Variants in COL13A1 observed in about 807,000 individuals in gnomAD.
The protein encoded by COL13A1 is collagen alpha-1(XIII) chain.
A neutral mutation model predicts 130.9 loss-of-function variants in COL13A1; 89 were observed. That is an observed-to-expected ratio of 0.68 (90% CI 0.57 to 0.81). The LOEUF is 0.81. Among genes scored for constraint, COL13A1 ranks in the 30% least tolerant of loss-of-function variants. The probability of loss-of-function intolerance (pLI) is 0.00; values close to 1 mark genes in which losing one functional copy is unlikely to be tolerated. For synonymous variants in COL13A1, 402 were observed against 341.6 expected, an observed-to-expected ratio of 1.18 and a Z score of -1.95; for missense variants, 879 against 934.6, an observed-to-expected ratio of 0.94 and a Z score of 0.78.
chr10:69,935,396 G>C lies in COL13A1; in HGVS notation c.1770+5G>C, dbSNP rs1470267163. The C allele has an allele frequency of 4.5e-6, 7 of 1,556,484 alleles. No individual in the cohort carries two copies. The highest frequency in any genetic ancestry group is 1.7e-4 in the Middle Eastern group (1 of 5,948). ...GAGGGGCCTCCCGGACCTCCGGTAA[G>C]TTTGGAGGGCTTGTCAGTGGCCAGT... On this transcript the variant is annotated splice_donor_5th_base_variant and intron_variant, in intron 32 of 40. Transcript: ENST00000645393.
chr10:69,867,413 G>A (rs552506425), intron 2 of COL13A1, among the ~76,000 whole-genome samples: 29 of 152,318 alleles, frequency 1.9e-4, no homozygotes, highest in East Asian at 3.9e-4. Context: ...ATCTCTACGG[G>A]ATCTGTTATT....
At position 69,889,032 on chromosome 10, in the gene COL13A1, A is replaced by G. The variant is rs75537479; in HGVS notation, c.577-382A>G. Among the ~76,000 whole-genome samples the G allele has an allele frequency of 3.6e-3, 545 of 152,246 alleles. 16 individuals carry two copies. In the East Asian group the frequency reaches 0.093, roughly 26 times the overall value. Reference sequence around the variant, plus strand: ...CCTAGCACCACCCAGTTACTCCCCAACTGCAGGCCAGCGAGCTAAGTGCAG... The same window carrying G: ...CCTAGCACCACCCAGTTACTCCCCAGCTGCAGGCCAGCGAGCTAAGTGCAG... On this transcript the variant is annotated intron_variant, in intron 9 of 40. Transcript: ENST00000645393.
intron 2 of COL13A1, among the ~76,000 whole-genome samples, chr10:69,844,094 C>T (rs548260217): frequency 1.3e-5 from 2 of 152,280 alleles, no homozygotes; most frequent in African/African-American, 4.8e-5. Flanking sequence ...GAGGGCTTCC[C>T]GGAAGAGGCG....
At chr10:69,888,282 C>T (rs1344422711) in intron 8 of COL13A1, 22 bp from the exon 9 acceptor site, 10 of 1,612,506 alleles carry the variant, frequency 6.2e-6, no homozygotes, top group African/African-American at 1.3e-5. Flanking sequence ...TCAGTCTTTA[C>T]ATCTGGCCTT....
chr10:69,948,370 G>A (rs2068868752), intron 38 of COL13A1, among the ~76,000 whole-genome samples: 2 of 152,130 alleles, frequency 1.3e-5, no homozygotes, highest in South Asian at 4.1e-4. Flanking sequence ...TATTTACTGA[G>A]CACTCCCATT....
intron 2 of COL13A1, among the ~76,000 whole-genome samples, chr10:69,825,459 A>G (rs972621080): frequency 1.3e-5 from 2 of 152,246 alleles, no homozygotes; most frequent in Non-Finnish European, 2.9e-5. Context: ...TGAATGTTCA[A>G]TAAATGAGTA....
chr10:69,875,296 C>A, intron 5 of COL13A1, 133 bp downstream of exon 5: 2 of 1,085,174 alleles, frequency 1.8e-6, no homozygotes, highest in Non-Finnish European at 1.4e-6. Context: ...TTCCCCAAGC[C>A]CCAGTGTGCT....
intron 5 of COL13A1, among the ~76,000 whole-genome samples, chr10:69,876,469 C>T (rs1038016865): frequency 1.3e-5 from 2 of 152,214 alleles, no homozygotes; most frequent in Admixed American, 6.5e-5. Context: ...CTCTCCCCAG[C>T]GCCCACCTAA....
At chr10:69,829,401 C>T (rs1342227699) in intron 2 of COL13A1, 1 of 399,442 alleles carries the variant, frequency 2.5e-6, no homozygotes, top group African/African-American at 2.2e-5. Flanking sequence ...TCTGACCCCC[C>T]TCGCCATGAT....
Position 69,947,341 on chromosome 10 carries a change from G to A in COL13A1, c.2057G>A (p.Arg686Gln), listed in dbSNP as rs375232381. The change falls in exon 38 of 41, where the codon CGG (arginine) becomes CAG (glutamine). Residue 686 changes from arginine (R) to glutamine (Q), a missense_variant and splice_region_variant. Around this residue, in one of 3 missense-constraint regions of COL13A1, gnomAD observed 68 missense variants for 65.8 expected, o/e 1.03. Transcript: ENST00000645393. ...LHGPPGDKGNRGERGKKGSRG... is the reference protein window; with the variant it reads ...LHGPPGDKGNQGERGKKGSRG... Reference sequence around the variant, plus strand: ...GGACCACCCGGGGACAAGGGAAACCGGGTGAGTCTGAGCCCCTGCACTCGT... The same window carrying A: ...GGACCACCCGGGGACAAGGGAAACCAGGTGAGTCTGAGCCCCTGCACTCGT... 1.6e-5 allele frequency: 25 copies of A among 1,612,286 alleles called. No individual in the cohort carries two copies. Among genetic ancestry groups the A allele is most frequent in the East Asian group, 6.7e-5 (3 of 44,796 alleles).
chr10:69,893,376 A>G (rs919222293), intron 10 of COL13A1, among the ~76,000 whole-genome samples: 1 of 152,140 alleles, frequency 6.6e-6, no homozygotes, highest in Non-Finnish European at 1.5e-5. Context: ...AGACCAATAA[A>G]CACTTGGCCA....
At chr10:69,868,002 C>T (rs1473027605) in intron 3 of COL13A1, among the ~76,000 whole-genome samples, 197 bp downstream of exon 3, 1 of 152,154 alleles carries the variant, frequency 6.6e-6, no homozygotes, top group Non-Finnish European at 1.5e-5. Flanking sequence ...TTCTGCACCC[C>T]TCCAGGGCAA....
At chr10:69,923,899 C>T in intron 24 of COL13A1, 44 bp downstream of exon 24, 1 of 1,595,144 alleles carries the variant, frequency 6.3e-7, no homozygotes, top group Non-Finnish European at 8.5e-7. Flanking sequence ...TGAGGGTCAG[C>T]TTGGGAGGTC....
In COL13A1 at chr10:69,935,371, G is replaced by A; in HGVS notation, c.1750G>A (p.Glu584Lys). ...GAEVPGLPGP[E>K]GPPGPPGLQG... Reference sequence around the variant, plus strand: ...TTAGGTTCCTGGGCTGCCAGGGCCAGAGGGGCCTCCCGGACCTCCGGTAAG... The same window carrying A: ...TTAGGTTCCTGGGCTGCCAGGGCCAAAGGGGCCTCCCGGACCTCCGGTAAG... The change falls in exon 32 of 41, where the codon GAG becomes AAG. Residue 584 changes from glutamate (E) to lysine (K), a missense_variant. By Grantham distance (56) the Glu-to-Lys change is moderately conservative. This residue lies in a region of COL13A1 where 96 missense variants were observed against 147.7 expected (regional missense o/e 0.65). Transcript: ENST00000645393. The A allele has an allele frequency of 6.3e-7, 1 of 1,576,964 alleles. No individual in the cohort carries two copies. The highest frequency in any genetic ancestry group is 8.6e-7 in the Non-Finnish European group (1 of 1,160,646).
At position 69,918,285 on chromosome 10, in the gene COL13A1, G is replaced by C; in HGVS notation, c.967G>C (p.Gly323Arg). 1 of 1,612,748 alleles carries C rather than the reference G, an allele frequency of 6.2e-7. No homozygotes were observed. The highest frequency in any genetic ancestry group is 8.5e-7 in the Non-Finnish European group (1 of 1,179,462). ...PGMPGKHGAK[G>R]APGIAVAGMK... ...ACCTTTTTTTTTCTCTCTCTGCCAG[G>C]GGGCGCCCGGAATTGCCGTGGCTGG... is the stretch of plus-strand genomic sequence containing the variant. Residue 323 changes from glycine to arginine, a missense_variant and splice_region_variant, in exon 19 of 41, where the codon GGG (glycine) becomes CGG (arginine). Physicochemically the swap from Gly to Arg is moderately radical, Grantham distance 125 (BLOSUM62 -2). Coordinates refer to ENST00000645393, the MANE Select transcript of COL13A1 (RefSeq NM_001368882.1).
chr10:69,918,365 A>C (rs1335513613), intron 19 of COL13A1, 48 bp downstream of exon 19: 11 of 1,598,004 alleles, frequency 6.9e-6, no homozygotes, highest in East Asian at 2.2e-5. Context: ...GTGGGAGAGA[A>C]GAGAGCGGGC....
intron 26 of COL13A1, among the ~76,000 whole-genome samples, chr10:69,926,413 C>G (rs765729991): frequency 8.5e-5 from 13 of 152,146 alleles, no homozygotes; most frequent in Admixed American, 2.6e-4. Flanking sequence ...GTAGGATGTG[C>G]AGCAGCGTCC....
chr10:69,882,192 G>T (rs956225183), intron 7 of COL13A1, among the ~76,000 whole-genome samples: 2 of 152,224 alleles, frequency 1.3e-5, no homozygotes, highest in Non-Finnish European at 2.9e-5. Flanking sequence ...GGACAGGGGA[G>T]TAACACAGCA....
chr10:69,874,124 GC>G (rs1439956828), intron 4 of COL13A1, among the ~76,000 whole-genome samples: 2 of 152,210 alleles, frequency 1.3e-5, no homozygotes, highest in Non-Finnish European at 2.9e-5. Flanking sequence ...TTTACTCAAA[GC>G]CACCGTTGGT....
Sources: gnomAD v4.1 joint callset for allele counts (sites outside exome capture counted in the v4.1 genomes callset) on GRCh38, gnomAD v4.1.1 for gene constraint, gnomAD v4.1.1 regional missense constraint, MANE v1.5 for transcripts, NCBI Gene and HGNC (gene_info 2026-07-23, HGNC 2026-07-21) for gene names.